The following FUT8 variants were observed in gnomAD, a reference collection of about 807,000 sequenced individuals.
The protein encoded by FUT8 is fucosyltransferase 8.
A neutral mutation model predicts 71.3 loss-of-function variants in FUT8; 29 were observed. The observed-to-expected ratio is 0.41, with a 90% CI of 0.30 to 0.55. The LOEUF (loss-of-function observed/expected upper bound fraction) is 0.55, where lower values mean the gene tolerates loss of function less well. Among genes scored for constraint, FUT8 ranks in the 20% least tolerant of loss-of-function variants. The pLI, the probability that FUT8 is intolerant of heterozygous loss-of-function variation, is 0.34. For missense variants in FUT8, 544 were observed against 702.1 expected, an observed-to-expected ratio of 0.77 and a Z score of 2.55; for synonymous variants, 254 against 239.3, an observed-to-expected ratio of 1.06 and a Z score of -0.57.
At chr14:65,522,231 CT>C (rs1883129542) in intron 2 of FUT8, among the ~76,000 whole-genome samples, 1 of 152,186 alleles carries the variant, frequency 6.6e-6, no homozygotes, top group African/African-American at 2.4e-5. Flanking sequence ...CCTCTCCCGA[CT>C]TTTCCTTTTG....
At chr14:65,359,542 T>A in the FUT8 span, among the ~76,000 whole-genome samples, 1 of 152,178 alleles carries the variant, frequency 6.6e-6, no homozygotes, top group Non-Finnish European at 1.5e-5. Context: ...ATTCTACTTT[T>A]TATCTTTGTG....
chr14:65,383,595 T>C, the FUT8 span, among the ~76,000 whole-genome samples: 1 of 152,168 alleles, frequency 6.6e-6, no homozygotes, highest in South Asian at 2.1e-4. Context: ...TACCCAAGAA[T>C]AAAATACAGA....
chr14:65,693,026 G>A (rs938721827), intron 7 of FUT8, among the ~76,000 whole-genome samples: 7 of 151,826 alleles, frequency 4.6e-5, no homozygotes, highest in African/African-American at 1.7e-4. Context: ...TTCCAGACTG[G>A]GCAGCCAGGC....
intron 7 of FUT8, among the ~76,000 whole-genome samples, chr14:65,684,687 C>A (rs978284747): frequency 6.6e-6 from 1 of 152,116 alleles, no homozygotes; most frequent in African/African-American, 2.4e-5. Context: ...CAGTTTCCCC[C>A]ATGCTGTTCT....
At chr14:65,642,883 G>T (rs1388537802) in intron 6 of FUT8, among the ~76,000 whole-genome samples, 1 of 151,998 alleles carries the variant, frequency 6.6e-6, no homozygotes, top group Non-Finnish European at 1.5e-5. Flanking sequence ...AACTCACCTG[G>T]TGCTTTTTTG....
At chr14:65,389,461 G>C in the FUT8 span, among the ~76,000 whole-genome samples, 1 of 151,566 alleles carries the variant, frequency 6.6e-6, no homozygotes, top group Admixed American at 6.6e-5. Context: ...ACAGGCACTT[G>C]CCAACAAGCC....
chr14:65,364,355 C>T, the FUT8 span, among the ~76,000 whole-genome samples: 2 of 152,100 alleles, frequency 1.3e-5, no homozygotes, highest in Admixed American at 6.5e-5. Flanking sequence ...AGGCACCCGC[C>T]ACCATGCCCA....
intron 2 of FUT8, among the ~76,000 whole-genome samples, chr14:65,554,967 G>C (rs188743395): frequency 1.3e-4 from 20 of 152,150 alleles, no homozygotes; most frequent in Middle Eastern, 3.4e-3. Context: ...TCCTTTTGTA[G>C]CTTGTTTTTA....
intron 6 of FUT8, among the ~76,000 whole-genome samples, chr14:65,665,008 G>T (rs76497295): frequency 0.017 from 2,549 of 152,134 alleles, 32 homozygotes; most frequent in Non-Finnish European, 0.025. Flanking sequence ...CTAAACATTT[G>T]CTGTCTGGAT....
the FUT8 span, among the ~76,000 whole-genome samples, chr14:65,404,464 AC>A: frequency 6.8e-6 from 1 of 147,662 alleles, no homozygotes; most frequent in African/African-American, 2.5e-5. Flanking sequence ...GAGCCACTGC[AC>A]CCAGCGTTGT....
chr14:65,399,315 TA>T, the FUT8 span, among the ~76,000 whole-genome samples: 7 of 149,126 alleles, frequency 4.7e-5, no homozygotes, highest in East Asian at 2.0e-4. Context: ...AGACTCCATC[TA>T]AAAAAAAAAG....
rs34809476 is a variant in FUT8, at chr14:65,508,491, G to GTTTTTTTTT, written c.-228+52791_-228+52799dup. Among the ~76,000 whole-genome samples the GTTTTTTTTT allele has an allele frequency of 4.7e-4, 22 of 46,498 alleles. 3 individuals carry two copies. Among genetic ancestry groups the GTTTTTTTTT allele is most frequent in the South Asian group, 2.3e-3 (2 of 876 alleles). 30.5% of individuals were successfully genotyped at this position (46,498 alleles called of 152,430 possible). The stretch of plus-strand genomic sequence containing the variant: ...AATTTTTTCCTGTAGAGTTGTTTGA[G>GTTTTTTTTT]TTTTTTTTTTTTTTTTTTTTTTTTT... On this transcript the variant is annotated intron_variant, in intron 2 of 10. Coordinates refer to ENST00000673929, the MANE Select transcript of FUT8 (RefSeq NM_001371533.1).
At chr14:65,726,047 TAAAC>T (rs1895669210) in intron 9 of FUT8, among the ~76,000 whole-genome samples, 1 of 152,164 alleles carries the variant, frequency 6.6e-6, no homozygotes, top group African/African-American at 2.4e-5. Flanking sequence ...TGTATATATA[TAAAC>T]AAAGGGCAAA....
chr14:65,659,375 G>T (rs1409060842), intron 6 of FUT8, among the ~76,000 whole-genome samples: 1 of 152,048 alleles, frequency 6.6e-6, no homozygotes, highest in African/African-American at 2.4e-5. Context: ...TGGTTTTAAA[G>T]CCAGTGAATA....
chr14:65,707,610 G>A (rs1894614638), intron 7 of FUT8, among the ~76,000 whole-genome samples: 1 of 151,990 alleles, frequency 6.6e-6, no homozygotes, highest in African/African-American at 2.4e-5. Flanking sequence ...TCCTATAGTT[G>A]TATAGTTTCA....
intron 2 of FUT8, among the ~76,000 whole-genome samples, chr14:65,540,504 C>T (rs538784357): frequency 1.1e-3 from 173 of 152,286 alleles, no homozygotes; most frequent in African/African-American, 3.8e-3. Flanking sequence ...AGATGGAAGC[C>T]AGGCATCTAG....
chr14:65,610,062 A>T (rs190407252), intron 3 of FUT8, among the ~76,000 whole-genome samples: 1 of 151,880 alleles, frequency 6.6e-6, no homozygotes, highest in Admixed American at 6.6e-5. Flanking sequence ...ATAGAATTGA[A>T]TTTTGTATGT....
chr14:65,397,540 T>C, the FUT8 span, among the ~76,000 whole-genome samples: 1 of 152,252 alleles, frequency 6.6e-6, no homozygotes, highest in Non-Finnish European at 1.5e-5. The surrounding 1 kb of genome is among the most constrained non-coding windows in gnomAD (Gnocchi z 4.2). Context: ...TTTCCACCTA[T>C]ATCCCAAAGA....
At position 65,691,809 on chromosome 14, in the gene FUT8, G is replaced by A. The variant is rs887849165; in HGVS notation, c.835+22329G>A. On this transcript the variant is annotated intron_variant, in intron 7 of 10. Transcript: ENST00000673929. ...TTAGGGAGTGGTGATGACTCTTAAC[G>A]AGCATGCTGCCTTCAAGCATCTGTT... is the stretch of plus-strand genomic sequence containing the variant. 6.6e-5 allele frequency among the ~76,000 whole-genome samples: 10 copies of A among 151,850 alleles called. No individual in the cohort carries two copies. The South Asian group carries it at 1.5e-3, about 22-fold the overall frequency.
Sources: allele counts gnomAD v4.1 joint callset (sites outside exome capture counted in the v4.1 genomes callset), GRCh38; gene constraint gnomAD v4.1.1; non-coding constraint Gnocchi (gnomAD v3.1); transcripts MANE v1.5; gene names NCBI Gene and HGNC (gene_info 2026-07-23, HGNC 2026-07-21).